GPD1L: variants seen among roughly 807,000 people sequenced by gnomAD.
GPD1L encodes the protein glycerol-3-phosphate dehydrogenase 1-like protein.
Under a neutral mutation model 32.9 loss-of-function variants are expected in GPD1L, and 17 were observed. That is an observed-to-expected ratio of 0.52 (90% confidence interval 0.35 to 0.78). GPD1L has a LOEUF of 0.78. Among genes scored for constraint, GPD1L ranks in the 30% least tolerant of loss-of-function variants. GPD1L has a pLI of 0.01. For missense variants in GPD1L, 361 were observed against 447.8 expected (o/e 0.81, Z 1.75); for synonymous variants, 187 against 165.9 (o/e 1.13, Z -0.98).
At chr3:32,131,407 TC>T (rs1297174639) in intron 2 of GPD1L, among the ~76,000 whole-genome samples, 1 of 152,234 alleles carries the variant, frequency 6.6e-6, no homozygotes, top group Non-Finnish European at 1.5e-5. Context: ...CCTCCTGTTT[TC>T]CCCAGTTGTC....
At chr3:32,159,174 A>G (rs1158985115) in intron 6 of GPD1L, 65 bp downstream of exon 6, 1 of 1,212,414 alleles carries the variant, frequency 8.2e-7, no homozygotes, top group African/African-American at 1.5e-5. Flanking sequence ...CTTGGGGTGA[A>G]CTGCAGCCCA....
At chr3:32,163,232 G>A (rs370331102) in intron 7 of GPD1L, among the ~76,000 whole-genome samples, 6 of 133,070 alleles carry the variant, frequency 4.5e-5, no homozygotes, top group South Asian at 5.2e-4. Flanking sequence ...GCAGTGGCAC[G>A]ATCTTGGCTC....
intron 3 of GPD1L, among the ~76,000 whole-genome samples, chr3:32,139,444 A>G (rs1700708113): frequency 6.6e-6 from 1 of 152,204 alleles, no homozygotes; most frequent in Admixed American, 6.5e-5. Context: ...ATATTACTTT[A>G]TCATAAATTT....
At chr3:32,151,601 T>C (rs1420099674) in intron 5 of GPD1L, among the ~76,000 whole-genome samples, 1 of 152,194 alleles carries the variant, frequency 6.6e-6, no homozygotes, top group Non-Finnish European at 1.5e-5. Context: ...CGCCTCAGCC[T>C]TCTGAGTAAC....
Position 32,163,647 on chromosome 3 carries a change from G to A in GPD1L, c.960-2167G>A, listed in dbSNP as rs150346017. Among the ~76,000 whole-genome samples the A allele has an allele frequency of 6.8e-3, 1,033 of 152,260 alleles. 8 individuals carry two copies. The highest frequency in any genetic ancestry group is 0.024 in the Middle Eastern group (7 of 292). Reference sequence around the variant, plus strand: ...ATCATTGGCTTCAGAGTCCAAAACTGTGGTTCAATTTACTCATATATAGAA... The same window carrying A: ...ATCATTGGCTTCAGAGTCCAAAACTATGGTTCAATTTACTCATATATAGAA... On this transcript the variant is annotated intron_variant, in intron 7 of 7. Coordinates refer to ENST00000282541, the MANE Select transcript of GPD1L (RefSeq NM_015141.4).
At chr3:32,151,419 C>A in intron 5 of GPD1L, 1 of 639,334 alleles carries the variant, frequency 1.6e-6, no homozygotes, top group South Asian at 1.8e-5. Context: ...TGAACAGTGA[C>A]CATTCCCCTG....
intron 1 of GPD1L, among the ~76,000 whole-genome samples, chr3:32,111,402 G>A (rs777817998): frequency 1.3e-5 from 2 of 152,172 alleles, no homozygotes; most frequent in Non-Finnish European, 2.9e-5. Context: ...TGGCAGCTCT[G>A]AGGCCTTGGG....
At chr3:32,161,061 G>A (rs932731282) in intron 7 of GPD1L, among the ~76,000 whole-genome samples, 4 of 152,156 alleles carry the variant, frequency 2.6e-5, no homozygotes, top group East Asian at 1.9e-4. Flanking sequence ...GAGGAGGGTC[G>A]TGGATGTTGT....
intron 3 of GPD1L, among the ~76,000 whole-genome samples, chr3:32,139,375 TG>T (rs1288760393): frequency 6.6e-6 from 1 of 152,232 alleles, no homozygotes; most frequent in East Asian, 1.9e-4. Flanking sequence ...TTGGAAATTG[TG>T]GTAATTGTTA....
chr3:32,126,142 T>C (rs1306218236), intron 1 of GPD1L, among the ~76,000 whole-genome samples: 3 of 152,164 alleles, frequency 2.0e-5, no homozygotes, highest in African/African-American at 7.2e-5. Flanking sequence ...CTGCAGTGAA[T>C]TGTGACTGTG....
intron 5 of GPD1L, among the ~76,000 whole-genome samples, chr3:32,153,608 C>T (rs1212540925): frequency 1.3e-5 from 2 of 152,196 alleles, no homozygotes; most frequent in East Asian, 1.9e-4. Context: ...TGGCACCTTG[C>T]CTTTAGTAAT....
intron 5 of GPD1L, among the ~76,000 whole-genome samples, chr3:32,157,917 C>T (rs1436260078): frequency 6.6e-6 from 1 of 152,190 alleles, no homozygotes; most frequent in African/African-American, 2.4e-5. Context: ...AGAGGCCATG[C>T]AGAGAGTGAG....
intron 5 of GPD1L, among the ~76,000 whole-genome samples, chr3:32,154,211 G>T (rs974220892): frequency 2.6e-5 from 4 of 152,106 alleles, no homozygotes; most frequent in African/African-American, 9.7e-5. Flanking sequence ...AGTTTACCCT[G>T]CACTAGGTCT....
chr3:32,150,881 C>T (rs769611546), intron 5 of GPD1L, among the ~76,000 whole-genome samples: 14 of 152,078 alleles, frequency 9.2e-5, no homozygotes, highest in Non-Finnish European at 1.9e-4. Context: ...CTTGAGTCCA[C>T]GAGTTCAAGA....
intron 1 of GPD1L, among the ~76,000 whole-genome samples, chr3:32,115,907 G>C (rs1700327509): frequency 6.6e-6 from 1 of 151,252 alleles, no homozygotes; most frequent in Non-Finnish European, 1.5e-5. Flanking sequence ...TCCTGCCTCA[G>C]CCTCCGAGTA....
Position 32,115,759 on chromosome 3 carries a change from T to C in GPD1L, c.47+9001T>C, listed in dbSNP as rs932858639. Among the ~76,000 whole-genome samples the C allele has an allele frequency of 2.9e-3, 35 of 12,232 alleles. No homozygotes were observed. In the African/African-American group the frequency reaches 0.034, roughly 12 times the overall value. 8.0% of individuals were successfully genotyped at this position (12,232 alleles called of 152,430 possible). A position where few individuals can be genotyped will look rare whatever the true frequency, so the allele number is the denominator to read the frequency against. Reference sequence around the variant, plus strand: ...TAAACCCTTTTCGTGTACGTTGAACTTTTTTTTTTTTTTTTTTTTTTTTTT... The same window carrying C: ...TAAACCCTTTTCGTGTACGTTGAACCTTTTTTTTTTTTTTTTTTTTTTTTT... On this transcript the variant is annotated intron_variant, in intron 1 of 7. Transcript: ENST00000282541.
At chr3:32,143,749 G>A (rs936970754) in intron 4 of GPD1L, among the ~76,000 whole-genome samples, 5 of 151,936 alleles carry the variant, frequency 3.3e-5, no homozygotes, top group South Asian at 2.1e-4. Context: ...AGGCTGAGGC[G>A]GGCGGATCAC....
At chr3:32,138,435 G>A in intron 2 of GPD1L, 152 bp from the exon 3 acceptor site, 1 of 808,678 alleles carries the variant, frequency 1.2e-6, no homozygotes, top group Middle Eastern at 2.9e-4. Flanking sequence ...AAGGAATAAG[G>A]AAGGCAAAGC....
At chr3:32,118,604 A>C (rs573409106) in intron 1 of GPD1L, among the ~76,000 whole-genome samples, 1 of 152,288 alleles carries the variant, frequency 6.6e-6, no homozygotes, top group African/African-American at 2.4e-5. Flanking sequence ...AATACACATA[A>C]CATAAAATTT....
Sources: gnomAD v4.1 joint callset for allele counts (sites outside exome capture counted in the v4.1 genomes callset) on GRCh38, gnomAD v4.1.1 for gene constraint, MANE v1.5 for transcripts, NCBI Gene and HGNC (gene_info 2026-07-23, HGNC 2026-07-21) for gene names.